The following SPAG1 variants were observed in gnomAD, a reference collection of about 807,000 sequenced individuals.
SPAG1 encodes the protein sperm associated antigen 1, also known as sperm-associated antigen 1.
A neutral mutation model predicts 100.5 loss-of-function variants in SPAG1; 69 were observed. The ratio of observed to expected loss-of-function variants is 0.69; its 90% CI spans 0.57 to 0.84. The LOEUF is 0.84. SPAG1 is among the 40% of genes least tolerant of loss of function. The pLI, the probability that SPAG1 is intolerant of heterozygous loss-of-function variation, is 0.00. For missense variants in SPAG1, 955 were observed against 1,133.1 expected (o/e 0.84, Z 2.26); for synonymous variants, 336 against 411.6 (o/e 0.82, Z 2.22).
chr8:100,195,126 T>C (rs866384897), intron 10 of SPAG1, among the ~76,000 whole-genome samples: 29 of 150,342 alleles, frequency 1.9e-4, no homozygotes, highest in Non-Finnish European at 3.4e-4. Context: ...GATGGTGCCA[T>C]TGCACTCCAG....
In SPAG1 at chr8:100,235,566, T is replaced by C. The variant is rs1438039946; in HGVS notation, c.2115+2029T>C. ...GTGGGGAGAGGATTGTTTTGACTGATTGAGTCTGAGATAGTTGTTTTAATT... is the reference window on the plus strand; with the variant it reads ...GTGGGGAGAGGATTGTTTTGACTGACTGAGTCTGAGATAGTTGTTTTAATT... On this transcript the variant is annotated intron_variant, in intron 16 of 18. Transcript: ENST00000388798. Among the ~76,000 whole-genome samples the C allele has an allele frequency of 2.6e-5, 4 of 152,024 alleles. No homozygotes were observed. In the East Asian group the frequency reaches 5.8e-4, roughly 22 times the overall value.
At position 100,166,000 on chromosome 8, in the gene SPAG1, G is replaced by T. The variant is rs777455000; in HGVS notation, c.300+27G>T. 3.8e-6 allele frequency: 6 copies of T among 1,568,972 alleles called. No homozygotes were observed. The South Asian group carries it at 5.8e-5, about 15-fold the overall frequency. On this transcript the variant is annotated intron_variant, in intron 3 of 18. Transcript: ENST00000388798. ...TATATAGTAATACCAATTTTCCATA[G>T]ATATTGTTGAGACATTCTATATATG...
intron 4 of SPAG1, among the ~76,000 whole-genome samples, chr8:100,179,769 C>G (rs1395117535): frequency 6.6e-6 from 1 of 152,138 alleles, no homozygotes; most frequent in Non-Finnish European, 1.5e-5. Context: ...ACTTCCAGGA[C>G]ATGTCATTTT....
Position 100,233,513 on chromosome 8 carries a change from A to G in SPAG1, c.2091A>G (p.Arg697=). The G allele has an allele frequency of 6.2e-7, 1 of 1,610,166 alleles. No homozygotes were observed. Among genetic ancestry groups the G allele is most frequent in the Non-Finnish European group, 8.5e-7 (1 of 1,177,576 alleles). ...GGAACGTGAAAGCCTTCTATAGACG[A>G]GCTCTGGCTCATAAAGGACTCAAGG... ...ADGNVKAFYR[R]ALAHKGLKNY... The change falls in exon 16 of 19, where the codon CGA becomes CGG. Residue 697 remains arginine (R), a synonymous_variant. Transcript: ENST00000388798.
At chr8:100,180,855 A>G (rs996908767) in intron 4 of SPAG1, among the ~76,000 whole-genome samples, 1 of 152,192 alleles carries the variant, frequency 6.6e-6, no homozygotes, top group Non-Finnish European at 1.5e-5. Context: ...AACATACTTG[A>G]AAGTCTTTTT....
At chr8:100,176,049 T>C (rs1816097404) in intron 3 of SPAG1, among the ~76,000 whole-genome samples, 1 of 150,222 alleles carries the variant, frequency 6.7e-6, no homozygotes, top group Admixed American at 6.6e-5. Flanking sequence ...CTTTGTGGCA[T>C]TTTTTTCCCC....
intron 7 of SPAG1, chr8:100,185,155 T>C (rs1448205082): frequency 2.5e-5 from 4 of 160,774 alleles, no homozygotes; most frequent in Non-Finnish European, 5.4e-5. Flanking sequence ...CTGAGTACAG[T>C]GGTGTTTACA....
intron 1 of SPAG1, among the ~76,000 whole-genome samples, chr8:100,159,217 T>C (rs1228084052): frequency 2.6e-5 from 4 of 152,184 alleles, no homozygotes; most frequent in Non-Finnish European, 4.4e-5. Flanking sequence ...AGGCAACCCA[T>C]TCTATTCTGG....
intron 10 of SPAG1, among the ~76,000 whole-genome samples, chr8:100,208,516 T>C (rs1817597460): frequency 6.6e-6 from 1 of 152,206 alleles, no homozygotes; most frequent in African/African-American, 2.4e-5. Context: ...AGGTGCTTGC[T>C]GAAGGCAAAG....
chr8:100,208,253 G>A (rs551533719), intron 10 of SPAG1, among the ~76,000 whole-genome samples: 1 of 152,280 alleles, frequency 6.6e-6, no homozygotes, highest in South Asian at 2.1e-4. Context: ...GGCTAAGAAT[G>A]GAGTCACAGT....
chr8:100,200,364 G>A (rs1817221851), intron 10 of SPAG1, among the ~76,000 whole-genome samples: 1 of 152,166 alleles, frequency 6.6e-6, no homozygotes, highest in South Asian at 2.1e-4. Flanking sequence ...CATTTGGGTT[G>A]GTTCCAAGTC....
intron 12 of SPAG1, among the ~76,000 whole-genome samples, chr8:100,217,275 A>G (rs1818039992): frequency 6.6e-6 from 1 of 152,156 alleles, no homozygotes; most frequent in Non-Finnish European, 1.5e-5. Flanking sequence ...TGGTATCAGG[A>G]GTCAAACACT....
At chr8:100,160,626 C>CAAA (rs11422854) in intron 1 of SPAG1, among the ~76,000 whole-genome samples, 2 of 98,916 alleles carry the variant, frequency 2.0e-5, no homozygotes, top group Middle Eastern at 6.0e-3. Flanking sequence ...GACTCCAACT[C>CAAA]AAAAAAAAAA....
At chr8:100,202,187 T>G (rs1458761450) in intron 10 of SPAG1, among the ~76,000 whole-genome samples, 2 of 152,174 alleles carry the variant, frequency 1.3e-5, no homozygotes, top group East Asian at 3.9e-4. Context: ...GTCACAGAAG[T>G]CTTCTATGTT....
At chr8:100,188,433 G>A in intron 8 of SPAG1, among the ~76,000 whole-genome samples, 1 of 152,054 alleles carries the variant, frequency 6.6e-6, no homozygotes, top group Non-Finnish European at 1.5e-5. Flanking sequence ...GGGATTACAG[G>A]CATGAGCCAC....
At chr8:100,173,862 A>G (rs1815987695) in intron 3 of SPAG1, among the ~76,000 whole-genome samples, 1 of 152,364 alleles carries the variant, frequency 6.6e-6, no homozygotes, top group East Asian at 1.9e-4. Context: ...TGCAAGATAA[A>G]TAAAAGTAGG....
intron 4 of SPAG1, among the ~76,000 whole-genome samples, chr8:100,181,719 T>A (rs1816373647): frequency 6.6e-6 from 1 of 152,176 alleles, no homozygotes; most frequent in African/African-American, 2.4e-5. Context: ...CTATTGGAAC[T>A]TCTTCTCCTC....
chr8:100,187,771 A>G (rs1816648076), intron 8 of SPAG1, among the ~76,000 whole-genome samples: 1 of 152,218 alleles, frequency 6.6e-6, no homozygotes, highest in Non-Finnish European at 1.5e-5. Flanking sequence ...TAAAATAATA[A>G]GCCCACACTG....
chr8:100,167,825 A>T (rs1815633968), intron 3 of SPAG1, among the ~76,000 whole-genome samples: 1 of 152,234 alleles, frequency 6.6e-6, no homozygotes, highest in African/African-American at 2.4e-5. Context: ...TGGTCAGTGT[A>T]GACCCCACTG....
Sources: gnomAD v4.1 joint callset for allele counts (sites outside exome capture counted in the v4.1 genomes callset) on GRCh38, gnomAD v4.1.1 for gene constraint, MANE v1.5 for transcripts, NCBI Gene and HGNC (gene_info 2026-07-23, HGNC 2026-07-21) for gene names.